KLHDC1: variants seen among roughly 807,000 people sequenced by gnomAD.
KLHDC1 encodes kelch domain containing 1, also known as kelch domain-containing protein 1.
KLHDC1 carries 53 observed loss-of-function variants against 68.3 expected under a neutral mutation model. The observed-to-expected ratio is 0.78, with a 90% CI of 0.62 to 0.98. The LOEUF (loss-of-function observed/expected upper bound fraction) is 0.98. KLHDC1 is among the 50% of genes least tolerant of loss of function. KLHDC1 has a pLI of 0.00. For missense variants in KLHDC1, 470 were observed against 492.3 expected, an observed-to-expected ratio of 0.95 and a Z score of 0.43; for synonymous variants, 148 against 159.0, an observed-to-expected ratio of 0.93 and a Z score of 0.52.
At chr14:49,735,342 T>C (rs901640395) in intron 10 of KLHDC1, among the ~76,000 whole-genome samples, 4 of 152,052 alleles carry the variant, frequency 2.6e-5, no homozygotes, top group Admixed American at 2.6e-4. Flanking sequence ...TTGGTAATTC[T>C]TTTTTACGCT....
Position 49,751,747 on chromosome 14 carries a change from A to C in KLHDC1, c.1196A>C (p.Lys399Thr). 6.3e-7 allele frequency: 1 copy of C among 1,581,088 alleles called. No individual in the cohort carries two copies. The highest frequency in any genetic ancestry group is 8.6e-7 in the Non-Finnish European group (1 of 1,159,744). Reference sequence around the variant, plus strand: ...GTCCAAAAAGAAGAAACAGAAAATAAATATCAGTGGATCAGTAGCAATTAA... The same window carrying C: ...GTCCAAAAAGAAGAAACAGAAAATACATATCAGTGGATCAGTAGCAATTAA... ...QRVQKEETEN[K>T]YQWISSN The change falls in exon 13 of 13, where the codon AAA (lysine) becomes ACA (threonine). Residue 399 changes from lysine to threonine, a missense_variant. By Grantham distance (78) the Lys-to-Thr change is moderately conservative (BLOSUM62 -1). Coordinates refer to ENST00000359332, the MANE Select transcript of KLHDC1 (RefSeq NM_172193.3).
At chr14:49,725,627 TG>T in intron 5 of KLHDC1, 58 bp from the exon 6 acceptor site, 1 of 903,842 alleles carries the variant, frequency 1.1e-6, no homozygotes, top group Non-Finnish European at 1.7e-6. Flanking sequence ...GTGATAAAAC[TG>T]TAATAATAAT....
chr14:49,740,614 C>T (rs1209554912), intron 11 of KLHDC1, among the ~76,000 whole-genome samples: 1 of 151,996 alleles, frequency 6.6e-6, no homozygotes, highest in Non-Finnish European at 1.5e-5. Flanking sequence ...GCTGGGATTA[C>T]AGGCGTGAGC....
At chr14:49,723,087 CAAAAAAAAAAAAA>C (rs144318637) in intron 4 of KLHDC1, among the ~76,000 whole-genome samples, 5 of 54,754 alleles carry the variant, frequency 9.1e-5, no homozygotes, top group Admixed American at 5.6e-4. Flanking sequence ...GACTCTGTCT[CAAAAAAAAAAAAA>C]AAAAAAAAAA....
chr14:49,717,099 G>A (rs1208622539), intron 4 of KLHDC1, among the ~76,000 whole-genome samples: 1 of 152,084 alleles, frequency 6.6e-6, no homozygotes, highest in Admixed American at 6.6e-5. Flanking sequence ...CCGCATGTTG[G>A]TTAGCCATTT....
intron 4 of KLHDC1, among the ~76,000 whole-genome samples, chr14:49,713,716 T>G (rs907986545): frequency 1.3e-5 from 2 of 148,174 alleles, no homozygotes; most frequent in Non-Finnish European, 3.0e-5. Flanking sequence ...CAAAACCCCA[T>G]CTTTACTAAA....
At position 49,710,334 on chromosome 14, in the gene KLHDC1, A is replaced by T; in HGVS notation, c.357A>T (p.Gln119His). ...AGAAAATCACCGACTTTGAAGGGCAACCACCTACACCACGTGATAAACTTT... is the reference window on the plus strand; with the variant it reads ...AGAAAATCACCGACTTTGAAGGGCATCCACCTACACCACGTGATAAACTTT... ...IWEKITDFEGQPPTPRDKLSC... is the reference protein window; with the variant it reads ...IWEKITDFEGHPPTPRDKLSC... Residue 119 changes from glutamine (Q) to histidine (H), a missense_variant, in exon 4 of 13, where the codon CAA (glutamine) becomes CAT (histidine). Physicochemically the swap from Gln to His is conservative, Grantham distance 24. Coordinates refer to ENST00000359332, the MANE Select transcript of KLHDC1 (RefSeq NM_172193.3). 1 of 1,611,678 alleles carries T rather than the reference A, an allele frequency of 6.2e-7. No homozygotes were observed. The highest frequency in any genetic ancestry group is 8.5e-7 in the Non-Finnish European group (1 of 1,177,938).
chr14:49,719,562 G>T (rs1888473489), intron 4 of KLHDC1, among the ~76,000 whole-genome samples: 1 of 151,614 alleles, frequency 6.6e-6, no homozygotes, highest in Non-Finnish European at 1.5e-5. Flanking sequence ...CTGAGTAGCT[G>T]GGACTACAGA....
chr14:49,748,729 A>G (rs1030786728), intron 12 of KLHDC1, among the ~76,000 whole-genome samples: 9 of 151,970 alleles, frequency 5.9e-5, no homozygotes, highest in Non-Finnish European at 1.2e-4. Flanking sequence ...GGGTATATAT[A>G]TACATGTATT....
chr14:49,705,365 CTTT>C lies in KLHDC1; in HGVS notation c.97-3775_97-3773del, dbSNP rs59444333. 5.6e-4 allele frequency among the ~76,000 whole-genome samples: 40 copies of C among 71,672 alleles called. 1 individual carries two copies. Among genetic ancestry groups the C allele is most frequent in the African/African-American group, 1.7e-3 (32 of 18,332 alleles). 47.0% of individuals were successfully genotyped at this position (71,672 alleles called of 152,430 possible). A position where few individuals can be genotyped will look rare whatever the true frequency, so the allele number is the denominator to read the frequency against. The stretch of plus-strand genomic sequence containing the variant: ...TCACTTTCATAATATTTCTTTCTTT[CTTT>C]TTTTTTTTTTTTTTTTTTGAGATGG... On this transcript the variant is annotated intron_variant, in intron 1 of 12. Transcript: ENST00000359332.
intron 11 of KLHDC1, among the ~76,000 whole-genome samples, chr14:49,741,931 C>G (rs1173415386): frequency 1.3e-5 from 2 of 152,178 alleles, no homozygotes; most frequent in Admixed American, 6.6e-5. Flanking sequence ...AGCTCCCTTT[C>G]ATCTCTTGAG....
intron 12 of KLHDC1, among the ~76,000 whole-genome samples, 162 bp downstream of exon 12, chr14:49,743,967 A>G (rs931660684): frequency 1.3e-5 from 2 of 152,184 alleles, no homozygotes; most frequent in Non-Finnish European, 2.9e-5. Context: ...ATGGTGAACT[A>G]TACACCAATG....
intron 4 of KLHDC1, among the ~76,000 whole-genome samples, chr14:49,715,101 A>G (rs975445874): frequency 6.0e-4 from 88 of 147,808 alleles, no homozygotes; most frequent in African/African-American, 2.2e-3. Context: ...TTAAGTGTAT[A>G]TATATTCATA....
At chr14:49,698,992 G>A (rs1043386719) in intron 1 of KLHDC1, among the ~76,000 whole-genome samples, 18 of 151,328 alleles carry the variant, frequency 1.2e-4, no homozygotes, top group East Asian at 7.9e-4. Context: ...GCGAAACCCC[G>A]TCTCTATTAA....
At chr14:49,693,538 T>C (rs1035900060) in intron 1 of KLHDC1, among the ~76,000 whole-genome samples, 1 of 151,718 alleles carries the variant, frequency 6.6e-6, no homozygotes, top group Non-Finnish European at 1.5e-5. Flanking sequence ...TCCGCCCCTC[T>C]TTGCCAGCAA....
At chr14:49,716,377 T>TCTTG (rs1010608139) in intron 4 of KLHDC1, among the ~76,000 whole-genome samples, 4 of 151,862 alleles carry the variant, frequency 2.6e-5, no homozygotes, top group African/African-American at 9.7e-5. Context: ...GAGACTTACC[T>TCTTG]CTTGCTACGC....
chr14:49,719,711 G>A (rs546428996), intron 4 of KLHDC1, among the ~76,000 whole-genome samples: 207 of 152,024 alleles, frequency 1.4e-3, no homozygotes, highest in Non-Finnish European at 2.3e-3. Context: ...GATTACAGGC[G>A]TGAGCCAGCG....
At chr14:49,716,567 A>G (rs1411801666) in intron 4 of KLHDC1, among the ~76,000 whole-genome samples, 2 of 151,992 alleles carry the variant, frequency 1.3e-5, no homozygotes, top group Non-Finnish European at 2.9e-5. Context: ...TATTTTTAGT[A>G]GAGGCGGGGT....
intron 1 of KLHDC1, among the ~76,000 whole-genome samples, chr14:49,699,612 C>CAA (rs1887844156): frequency 6.6e-6 from 1 of 152,122 alleles, no homozygotes; most frequent in South Asian, 2.1e-4. Context: ...TTTTCCTCTT[C>CAA]ATTGATACAA....
Sources: allele counts gnomAD v4.1 joint callset (sites outside exome capture counted in the v4.1 genomes callset), GRCh38; gene constraint gnomAD v4.1.1; transcripts MANE v1.5; gene names NCBI Gene and HGNC (gene_info 2026-07-23, HGNC 2026-07-21).